Variants in MTMR3 observed in about 807,000 individuals in gnomAD.
The protein encoded by MTMR3 is myotubularin related protein 3.
MTMR3 carries 32 observed loss-of-function variants against 132.4 expected under a neutral mutation model. The ratio of observed to expected loss-of-function variants is 0.24; its 90% confidence interval spans 0.18 to 0.32. The LOEUF is 0.32. MTMR3 is among the 10% of genes least tolerant of loss of function. The probability of loss-of-function intolerance (pLI) is 1.00; values close to 1 mark genes in which losing one functional copy is unlikely to be tolerated. For missense variants in MTMR3, 1,216 were observed against 1,489.6 expected (o/e 0.82, Z 3.02); for synonymous variants, 556 against 550.3 (o/e 1.01, Z -0.14).
chr22:29,885,023 T>C (rs2064642946), intron 1 of MTMR3, among the ~76,000 whole-genome samples: 1 of 152,164 alleles, frequency 6.6e-6, no homozygotes, highest in Admixed American at 6.5e-5. Flanking sequence ...ACCAGCACAG[T>C]GGTACAGCCC....
chr22:29,991,819 A>G, intron 7 of MTMR3, 149 bp downstream of exon 7: 1 of 742,200 alleles, frequency 1.3e-6, no homozygotes, highest in Admixed American at 3.8e-5. Flanking sequence ...CATTCTTTTA[A>G]GCTTAATAGA....
intron 1 of MTMR3, among the ~76,000 whole-genome samples, chr22:29,898,204 G>T (rs1820241668): frequency 6.6e-6 from 1 of 152,158 alleles, no homozygotes; most frequent in Non-Finnish European, 1.5e-5. Context: ...CACAATTTTA[G>T]TCCTTTATTG....
intron 1 of MTMR3, among the ~76,000 whole-genome samples, chr22:29,914,860 G>A (rs893760633): frequency 7.9e-5 from 12 of 152,152 alleles, no homozygotes; most frequent in African/African-American, 2.9e-4. Flanking sequence ...ATGACATATT[G>A]TGTACTACTA....
chr22:29,961,161 T>A (rs147997538), intron 2 of MTMR3, among the ~76,000 whole-genome samples: 2,043 of 152,236 alleles, frequency 0.013, 33 homozygotes, highest in Non-Finnish European at 0.015. Flanking sequence ...TCTTTGGCAA[T>A]AATAACCCCT....
At chr22:29,926,693 A>G (rs1031238591) in intron 1 of MTMR3, among the ~76,000 whole-genome samples, 1 of 152,156 alleles carries the variant, frequency 6.6e-6, no homozygotes, top group Non-Finnish European at 1.5e-5. Flanking sequence ...CTTCTTTGGA[A>G]AAATGTTTAT....
intron 1 of MTMR3, among the ~76,000 whole-genome samples, chr22:29,954,080 T>TC (rs1480104028): frequency 1.6e-5 from 2 of 122,252 alleles, no homozygotes; most frequent in Admixed American, 8.0e-5. Context: ...TTTTTTTTTT[T>TC]TTTGTCTCTT....
intron 1 of MTMR3, among the ~76,000 whole-genome samples, chr22:29,953,817 C>A (rs79083014): frequency 3.3e-5 from 5 of 152,034 alleles, no homozygotes; most frequent in African/African-American, 4.8e-5. Context: ...TTTGTCTGTT[C>A]GTTAGTGCTT....
intron 2 of MTMR3, among the ~76,000 whole-genome samples, chr22:29,958,062 C>A (rs996479954): frequency 1.3e-5 from 2 of 151,950 alleles, no homozygotes; most frequent in African/African-American, 4.8e-5. Flanking sequence ...GGTCTTGGAA[C>A]ATATTCCCCG....
intron 1 of MTMR3, among the ~76,000 whole-genome samples, chr22:29,938,373 T>C (rs2065791347): frequency 6.6e-6 from 1 of 152,250 alleles, no homozygotes; most frequent in Non-Finnish European, 1.5e-5. Context: ...CTCCGTACTT[T>C]CACTGTTTCT....
intron 13 of MTMR3, 25 bp from the exon 14 acceptor site, chr22:30,013,331 G>A (rs1044824518): frequency 7.4e-6 from 12 of 1,611,730 alleles, no homozygotes; most frequent in African/African-American, 1.3e-5. Flanking sequence ...AGCACAAATG[G>A]TCTCTCCTGG....
chr22:29,985,519 A>G (rs1310606514), intron 5 of MTMR3: 2 of 152,216 alleles, frequency 1.3e-5, no homozygotes, highest in African/African-American at 4.8e-5. Flanking sequence ...AAAGAAAGAA[A>G]GAAAAGGCAG....
chr22:30,002,086 C>G (rs2067186969), intron 8 of MTMR3: 1 of 152,188 alleles, frequency 6.6e-6, no homozygotes, highest in Admixed American at 6.5e-5. Flanking sequence ...CAGAGAGAGA[C>G]ATTGTCCTGT....
intron 1 of MTMR3, among the ~76,000 whole-genome samples, chr22:29,950,103 A>G (rs889301732): frequency 5.3e-5 from 8 of 152,200 alleles, no homozygotes; most frequent in African/African-American, 1.9e-4. Context: ...AGTCAAAAGA[A>G]CAAAAGTCAG....
At chr22:29,912,531 C>T (rs1569001163) in intron 1 of MTMR3, among the ~76,000 whole-genome samples, 3 of 152,332 alleles carry the variant, frequency 2.0e-5, no homozygotes, top group South Asian at 4.1e-4. Flanking sequence ...CTGTGTCAGC[C>T]TCCCAAAGTG....
At chr22:29,902,041 A>G (rs2065010655) in intron 1 of MTMR3, among the ~76,000 whole-genome samples, 1 of 152,122 alleles carries the variant, frequency 6.6e-6, no homozygotes, top group South Asian at 2.1e-4. Flanking sequence ...ACATGTGCCC[A>G]TGTATTTTTT....
chr22:29,964,034 C>T lies in MTMR3; in HGVS notation c.-84-6942C>T, dbSNP rs2066366768. Among the ~76,000 whole-genome samples the T allele has an allele frequency of 2.6e-5, 4 of 152,132 alleles. No homozygotes were observed. The South Asian group carries it at 8.3e-4, about 32-fold the overall frequency. On this transcript the variant is annotated intron_variant, in intron 2 of 19. Transcript: ENST00000401950. ...AATGGTAACTCTGTGTTTAATTGAG[C>T]AACTGCCAGGCTATTTTTCAAAGAG...
At chr22:29,983,556 T>G (rs2066796490) in intron 5 of MTMR3, 1 of 152,236 alleles carries the variant, frequency 6.6e-6, no homozygotes, top group Non-Finnish European at 1.5e-5. Context: ...CTGAAAGCAG[T>G]GCTGGAGGCT....
intron 2 of MTMR3, among the ~76,000 whole-genome samples, chr22:29,964,289 T>C (rs1177810739): frequency 6.6e-6 from 1 of 152,238 alleles, no homozygotes; most frequent in Non-Finnish European, 1.5e-5. Flanking sequence ...GAACCCTGAA[T>C]ATTTCCTAAG....
chr22:29,978,982 G>T lies in MTMR3; in HGVS notation c.140G>T (p.Arg47Leu), dbSNP rs780839383. ...GGAGAGAGCACAGAGTTTGTGGGCC[G>T]TGCCGAGGATGCCATCATTGCCCTT... is the stretch of plus-strand genomic sequence containing the variant. ...LHGESTEFVG[R>L]AEDAIIALSN... The change falls in exon 5 of 20, where the codon CGT becomes CTT. Residue 47 changes from arginine to leucine, a missense_variant. Arg to Leu is a moderately radical substitution (Grantham distance 102). Around this residue, in one of 7 missense-constraint regions of MTMR3, gnomAD observed 81 missense variants for 87.7 expected, o/e 0.92. Coordinates refer to ENST00000401950, the MANE Select transcript of MTMR3 (RefSeq NM_021090.4). The T allele has an allele frequency of 4.3e-6, 7 of 1,613,858 alleles. No homozygotes were observed. Among genetic ancestry groups the T allele is most frequent in the South Asian group, 2.2e-5 (2 of 91,082 alleles).
Sources: allele counts gnomAD v4.1 joint callset (sites outside exome capture counted in the v4.1 genomes callset), GRCh38; gene constraint gnomAD v4.1.1; regional missense constraint gnomAD v4.1.1; transcripts MANE v1.5; gene names NCBI Gene and HGNC (gene_info 2026-07-23, HGNC 2026-07-21).